LSAMP: variants seen among roughly 807,000 people sequenced by gnomAD.
LSAMP encodes limbic system associated membrane protein.
Under a neutral mutation model 38.6 loss-of-function variants are expected in LSAMP, and 7 were observed. That is an observed-to-expected ratio of 0.18 (90% CI 0.10 to 0.34). LSAMP has a LOEUF of 0.34. Among genes scored for constraint, LSAMP ranks in the 10% least tolerant of loss-of-function variants. The probability of loss-of-function intolerance (pLI) is 1.00; values close to 1 mark genes in which losing one functional copy is unlikely to be tolerated. For synonymous variants in LSAMP, 154 were observed against 166.8 expected (o/e 0.92, Z 0.59); for missense variants, 313 against 420.0 (o/e 0.75, Z 2.23).
At chr3:116,356,948 C>T (rs929508841) in intron 1 of LSAMP, among the ~76,000 whole-genome samples, 1 of 152,146 alleles carries the variant, frequency 6.6e-6, no homozygotes, top group Non-Finnish European at 1.5e-5. Context: ...CGCCCGCCAC[C>T]ACGCCTGGCT....
chr3:115,914,749 TC>T (rs1186331566), intron 3 of LSAMP, among the ~76,000 whole-genome samples: 1 of 152,154 alleles, frequency 6.6e-6, no homozygotes, highest in Non-Finnish European at 1.5e-5. Context: ...CATAGATCTT[TC>T]CTTTTAGCTG....
intron 1 of LSAMP, among the ~76,000 whole-genome samples, chr3:116,087,929 G>C (rs559318599): frequency 1.4e-5 from 2 of 145,478 alleles, no homozygotes; most frequent in Non-Finnish European, 3.0e-5. Flanking sequence ...GATCTTGTTC[G>C]GTCACCAAGA....
intron 6 of LSAMP, among the ~76,000 whole-genome samples, chr3:115,816,207 A>G (rs1934011918): frequency 6.6e-6 from 1 of 152,134 alleles, no homozygotes; most frequent in South Asian, 2.1e-4. Flanking sequence ...CTTGCATTTT[A>G]GGGTCTGTTT....
At chr3:116,151,052 T>C (rs1403849988) in intron 1 of LSAMP, among the ~76,000 whole-genome samples, 2 of 152,032 alleles carry the variant, frequency 1.3e-5, no homozygotes, top group African/African-American at 4.8e-5. Flanking sequence ...CTGTTTTCCA[T>C]TCTGAACTTG....
intron 1 of LSAMP, among the ~76,000 whole-genome samples, chr3:116,108,127 C>T (rs867768990): frequency 6.6e-6 from 1 of 151,738 alleles, no homozygotes; most frequent in Non-Finnish European, 1.5e-5. Flanking sequence ...TGATCGGTCG[C>T]CAAGGAGGGA....
chr3:116,346,968 A>G (rs2048071197), intron 1 of LSAMP, among the ~76,000 whole-genome samples: 2 of 152,220 alleles, frequency 1.3e-5, no homozygotes, highest in Admixed American at 1.3e-4. Context: ...CTTAATAAAT[A>G]AAATGATAAA....
chr3:116,286,008 G>C (rs2047190271), intron 1 of LSAMP, among the ~76,000 whole-genome samples: 1 of 152,168 alleles, frequency 6.6e-6, no homozygotes, highest in East Asian at 1.9e-4. Flanking sequence ...AGACTGTGGG[G>C]GAGCCAGTCT....
chr3:116,169,059 A>G (rs1485446611), intron 1 of LSAMP, among the ~76,000 whole-genome samples: 3 of 152,188 alleles, frequency 2.0e-5, no homozygotes, highest in South Asian at 2.1e-4. Flanking sequence ...AAAACAATTA[A>G]CTGCATGTGA....
At chr3:116,397,698 A>G (rs2048786947) in intron 1 of LSAMP, among the ~76,000 whole-genome samples, 1 of 151,974 alleles carries the variant, frequency 6.6e-6, no homozygotes, top group Non-Finnish European at 1.5e-5. Flanking sequence ...AAGTTCTTAT[A>G]AAGTGAATAT....
chr3:115,846,315 A>G (rs1935157704), intron 4 of LSAMP, among the ~76,000 whole-genome samples: 1 of 152,196 alleles, frequency 6.6e-6, no homozygotes. Flanking sequence ...GAAAATATTA[A>G]TAGGGCCTTT....
rs1477791256 is a variant in LSAMP at position 116,119,179 on chromosome 3, C to T, written c.156-32623G>A. Among the ~76,000 whole-genome samples the T allele has an allele frequency of 3.3e-5, 5 of 151,776 alleles. No homozygotes were observed. In the East Asian group the frequency reaches 9.6e-4, roughly 29 times the overall value. On this transcript the variant is annotated intron_variant, in intron 1 of 6. Transcript: ENST00000490035. ...ATTGCCTCATTCCAGAGAAAGGGAG[C>T]CAGAAAAAGGACTCAGGTCAACCTA...
chr3:116,429,377 A>C (rs1234557985), intron 1 of LSAMP, among the ~76,000 whole-genome samples: 1 of 152,226 alleles, frequency 6.6e-6, no homozygotes, highest in Non-Finnish European at 1.5e-5. Context: ...ATATTCAGTA[A>C]AATAATTGAC....
At chr3:116,171,897 C>T (rs1710209406) in intron 1 of LSAMP, among the ~76,000 whole-genome samples, 1 of 151,942 alleles carries the variant, frequency 6.6e-6, no homozygotes, top group African/African-American at 2.4e-5. Flanking sequence ...CAAAAAATGA[C>T]TGATCGATAA....
chr3:115,910,853 G>A (rs1246735517), intron 3 of LSAMP, among the ~76,000 whole-genome samples: 2 of 152,108 alleles, frequency 1.3e-5, no homozygotes, highest in Admixed American at 1.3e-4. Flanking sequence ...AATCACCCAG[G>A]TTGCTGCATC....
chr3:116,397,510 AT>A (rs1423968468), intron 1 of LSAMP, among the ~76,000 whole-genome samples: 1 of 151,364 alleles, frequency 6.6e-6, no homozygotes, highest in Non-Finnish European at 1.5e-5. Context: ...TATTTATATT[AT>A]TGTCTATCTC....
intron 6 of LSAMP, 54 bp downstream of exon 6, chr3:115,841,791 A>G: frequency 4.5e-6 from 7 of 1,539,922 alleles, no homozygotes; most frequent in Non-Finnish European, 6.1e-6. Context: ...CACGTTTTTC[A>G]TGTGAAAAGT....
intron 1 of LSAMP, among the ~76,000 whole-genome samples, chr3:116,348,031 GA>G (rs1385029688): frequency 6.6e-6 from 1 of 151,880 alleles, no homozygotes; most frequent in Admixed American, 6.6e-5. Context: ...TGCTTTCCAG[GA>G]AAGGTCTCGG....
intron 2 of LSAMP, among the ~76,000 whole-genome samples, chr3:116,063,747 GAC>G (rs1648364835): frequency 1.3e-5 from 2 of 152,002 alleles, no homozygotes; most frequent in African/African-American, 4.8e-5. Context: ...TTAAAATAAT[GAC>G]AGTTTATCAA....
chr3:116,437,687 G>A (rs1272988050), intron 1 of LSAMP, among the ~76,000 whole-genome samples: 1 of 151,018 alleles, frequency 6.6e-6, no homozygotes, highest in Non-Finnish European at 1.5e-5. Context: ...GGAGAGGAGA[G>A]AAAAGGAGAG....
Sources: allele counts gnomAD v4.1 joint callset (sites outside exome capture counted in the v4.1 genomes callset), GRCh38; gene constraint gnomAD v4.1.1; transcripts MANE v1.5; gene names NCBI Gene and HGNC (gene_info 2026-07-23, HGNC 2026-07-21).